Variants in FGGY observed in about 807,000 individuals in gnomAD.
FGGY encodes FGGY carbohydrate kinase domain containing.
FGGY carries 72 observed loss-of-function variants against 71.3 expected under a neutral mutation model. The observed-to-expected ratio is 1.01, with a 90% CI of 0.84 to 1.23. The LOEUF (loss-of-function observed/expected upper bound fraction) is 1.23. FGGY is among the 50% of genes most tolerant of loss of function. FGGY has a pLI of 0.00. For missense variants in FGGY, 668 were observed against 682.3 expected (o/e 0.98, Z 0.23); for synonymous variants, 251 against 250.3 (o/e 1.00, Z -0.02).
At chr1:59,441,050 T>A (rs2069721912) in intron 5 of FGGY, among the ~76,000 whole-genome samples, 1 of 152,110 alleles carries the variant, frequency 6.6e-6, no homozygotes, top group Admixed American at 6.5e-5. Flanking sequence ...CAGAGCTAAT[T>A]TCTGTAGCCT....
At chr1:59,722,275 C>A (rs2097904039) in intron 14 of FGGY, among the ~76,000 whole-genome samples, 2 of 151,858 alleles carry the variant, frequency 1.3e-5, no homozygotes, top group Admixed American at 6.6e-5. Flanking sequence ...ATCAGTGTAA[C>A]TTATCGCTAT....
At chr1:59,506,904 C>G (rs114004350) in intron 6 of FGGY, among the ~76,000 whole-genome samples, 2,150 of 152,206 alleles carry the variant, frequency 0.014, 27 homozygotes, top group Non-Finnish European at 0.019. Flanking sequence ...CAGAGAAAAC[C>G]TATTTTCTGT....
chr1:59,598,108 T>C (rs2096541740), intron 8 of FGGY, among the ~76,000 whole-genome samples: 1 of 152,186 alleles, frequency 6.6e-6, no homozygotes, highest in South Asian at 2.1e-4. Context: ...AATATGTGTT[T>C]ACCCACCACA....
chr1:59,698,072 T>C (rs1025745149), intron 14 of FGGY, among the ~76,000 whole-genome samples: 8 of 152,184 alleles, frequency 5.3e-5, no homozygotes, highest in African/African-American at 1.9e-4. Flanking sequence ...GATTTAAACA[T>C]AGTTTCCAAA....
intron 11 of FGGY, among the ~76,000 whole-genome samples, chr1:59,644,689 GA>G (rs1045155338): frequency 4.6e-4 from 70 of 151,660 alleles, no homozygotes; most frequent in African/African-American, 1.6e-3. Flanking sequence ...AAAGGTAGAT[GA>G]ATATAGGCCG....
intron 11 of FGGY, among the ~76,000 whole-genome samples, chr1:59,651,202 C>A (rs183171777): frequency 2.0e-5 from 3 of 151,972 alleles, no homozygotes; most frequent in South Asian, 4.2e-4. Flanking sequence ...AGGTGTGGTG[C>A]GGTGCTGAAA....
At chr1:59,725,946 C>G (rs936942944) in intron 14 of FGGY, among the ~76,000 whole-genome samples, 1 of 152,100 alleles carries the variant, frequency 6.6e-6, no homozygotes, top group Non-Finnish European at 1.5e-5. Flanking sequence ...ACTTCCAGTA[C>G]AGTCTTGAAT....
chr1:59,623,796 C>T (rs549698617), intron 9 of FGGY, among the ~76,000 whole-genome samples: 124 of 152,214 alleles, frequency 8.1e-4, no homozygotes, highest in Middle Eastern at 3.4e-3. Flanking sequence ...AGTGTATCTC[C>T]GGAACCTAGG....
chr1:59,315,041 G>A (rs911088315), intron 1 of FGGY, among the ~76,000 whole-genome samples: 2 of 152,160 alleles, frequency 1.3e-5, no homozygotes, highest in African/African-American at 4.8e-5. Context: ...TGGTACTGGG[G>A]CTCTTGAGGT....
intron 6 of FGGY, among the ~76,000 whole-genome samples, chr1:59,495,673 G>A (rs1410451676): frequency 6.6e-6 from 1 of 152,040 alleles, no homozygotes; most frequent in African/African-American, 2.4e-5. Flanking sequence ...GTATAAGGAA[G>A]GGGTCCAGTT....
intron 11 of FGGY, among the ~76,000 whole-genome samples, chr1:59,654,799 G>A (rs1456597681): frequency 6.6e-6 from 1 of 152,184 alleles, no homozygotes. Context: ...ACTCGACTAG[G>A]ATCCCAGGAA....
chr1:59,724,543 A>C (rs1244116430), intron 14 of FGGY, among the ~76,000 whole-genome samples: 1 of 151,280 alleles, frequency 6.6e-6, no homozygotes, highest in African/African-American at 2.4e-5. Flanking sequence ...TTTTTTCCCA[A>C]CTCCTTGACG....
chr1:59,513,830 C>T (rs944504111), intron 7 of FGGY, among the ~76,000 whole-genome samples: 4 of 152,124 alleles, frequency 2.6e-5, no homozygotes, highest in African/African-American at 4.8e-5. Flanking sequence ...TCTTATGCAA[C>T]GGATTATTAA....
chr1:59,692,785 A>G (rs1335487000), intron 14 of FGGY, among the ~76,000 whole-genome samples: 1 of 152,190 alleles, frequency 6.6e-6, no homozygotes, highest in Non-Finnish European at 1.5e-5. Context: ...GCAGATGTTG[A>G]GCCACTTTAA....
chr1:59,375,879 G>GT (rs770578651), intron 4 of FGGY, among the ~76,000 whole-genome samples: 19,646 of 99,238 alleles, frequency 0.2, 2,471 homozygotes, highest in Middle Eastern at 0.27. Context: ...ATCTAAAGTA[G>GT]TTTTTTTTTT....
In FGGY at chr1:59,762,692, T is replaced by C; in HGVS notation, c.*108T>C. The C allele has an allele frequency of 1.3e-6, 1 of 788,286 alleles. No homozygotes were observed. The highest frequency in any genetic ancestry group is 1.7e-5 in the South Asian group (1 of 58,448). 48.8% of individuals were successfully genotyped at this position (788,286 alleles called of 1,614,324 possible). Reference sequence around the variant, plus strand: ...GAGGTATTGTTTCATCATTTCTGTATTGTCTTTCAATAAAGAAAACAAACA... The same window carrying C: ...GAGGTATTGTTTCATCATTTCTGTACTGTCTTTCAATAAAGAAAACAAACA... On this transcript the variant is annotated 3_prime_UTR_variant, in exon 16 of 16. Coordinates refer to ENST00000303721, the MANE Select transcript of FGGY (RefSeq NM_018291.5).
At chr1:59,348,956 G>C (rs1435940352) in intron 4 of FGGY, among the ~76,000 whole-genome samples, 1 of 152,076 alleles carries the variant, frequency 6.6e-6, no homozygotes, top group East Asian at 1.9e-4. Flanking sequence ...TGTATAAAGT[G>C]GGAGAGTTGT....
chr1:59,735,794 A>C (rs1271208873), intron 14 of FGGY, among the ~76,000 whole-genome samples: 1 of 152,202 alleles, frequency 6.6e-6, no homozygotes, highest in African/African-American at 2.4e-5. Flanking sequence ...TCAAAATGAC[A>C]TTTTAAGTAT....
At chr1:59,465,130 C>T (rs1007564253) in intron 6 of FGGY, among the ~76,000 whole-genome samples, 2 of 152,130 alleles carry the variant, frequency 1.3e-5, no homozygotes, top group African/African-American at 2.4e-5. Flanking sequence ...ACTGGCAAAC[C>T]GAATCCAGCA....
Sources: gnomAD v4.1 joint callset for allele counts (sites outside exome capture counted in the v4.1 genomes callset) on GRCh38, gnomAD v4.1.1 for gene constraint, MANE v1.5 for transcripts, NCBI Gene and HGNC (gene_info 2026-07-23, HGNC 2026-07-21) for gene names.